PDE7B: variants seen among roughly 807,000 people sequenced by gnomAD.
PDE7B encodes phosphodiesterase 7B, also known as 3',5'-cyclic-AMP phosphodiesterase 7B.
In PDE7B, 29 loss-of-function variants were observed where a neutral mutation model predicts 56.2. The observed-to-expected ratio is 0.52, with a 90% CI of 0.38 to 0.70. PDE7B has a LOEUF of 0.70. Ranked by LOEUF, PDE7B falls within the 30% of genes least tolerant of loss-of-function variation. The pLI is 0.00. For missense variants in PDE7B, 490 were observed against 565.0 expected (o/e 0.87, Z 1.35); for synonymous variants, 197 against 196.9 (o/e 1.00, Z 0.00).
intron 1 of PDE7B, among the ~76,000 whole-genome samples, chr6:135,902,494 T>C (rs943371708): frequency 6.6e-6 from 1 of 150,910 alleles, no homozygotes; most frequent in African/African-American, 2.5e-5. Context: ...TCCATAGTTA[T>C]CTGAAACACA....
intron 1 of PDE7B, among the ~76,000 whole-genome samples, chr6:135,865,645 G>GTGTA (rs1208153270): frequency 2.0e-5 from 3 of 150,346 alleles, no homozygotes; most frequent in Admixed American, 6.6e-5. Flanking sequence ...GTGTGTGTGT[G>GTGTA]TGTGTATGTG....
intron 3 of PDE7B, among the ~76,000 whole-genome samples, chr6:136,144,353 A>G (rs1409302655): frequency 1.3e-5 from 2 of 152,096 alleles, no homozygotes; most frequent in African/African-American, 4.8e-5. Flanking sequence ...TTTTTGCTTA[A>G]CACTTTATTG....
At chr6:136,075,736 A>G (rs7765567) in intron 2 of PDE7B, among the ~76,000 whole-genome samples, 70,684 of 151,940 alleles carry the variant, frequency 0.47, 16,921 homozygotes, top group African/African-American at 0.59. Flanking sequence ...TGATCCCTGA[A>G]AAGGGTACTC....
intron 2 of PDE7B, among the ~76,000 whole-genome samples, chr6:135,975,454 C>T (rs550201873): frequency 1.4e-4 from 22 of 152,180 alleles, no homozygotes; most frequent in Middle Eastern, 3.4e-3. Flanking sequence ...GGAGCAGGTC[C>T]TTCAAAGAAA....
chr6:135,903,600 T>A (rs1259908579), intron 1 of PDE7B, among the ~76,000 whole-genome samples: 1 of 152,194 alleles, frequency 6.6e-6, no homozygotes, highest in Non-Finnish European at 1.5e-5. Flanking sequence ...TTGCCCAAAC[T>A]GTGCTGGAAG....
chr6:135,958,958 G>A (rs1253198261), intron 2 of PDE7B, among the ~76,000 whole-genome samples: 1 of 152,156 alleles, frequency 6.6e-6, no homozygotes. Context: ...AACCAAATGT[G>A]TAGAATTTTT....
chr6:136,058,139 G>A (rs1308421566), intron 2 of PDE7B, among the ~76,000 whole-genome samples: 2 of 152,142 alleles, frequency 1.3e-5, no homozygotes, highest in Non-Finnish European at 2.9e-5. Flanking sequence ...CTTGACAAGT[G>A]GCAGATCTTT....
At chr6:135,858,724 C>T (rs1008635077) in intron 1 of PDE7B, among the ~76,000 whole-genome samples, 18 of 151,536 alleles carry the variant, frequency 1.2e-4, no homozygotes, top group African/African-American at 3.4e-4. Context: ...GCCTGTTACA[C>T]GCCCAATTAT....
At chr6:136,181,584 G>T (rs938525249) in intron 11 of PDE7B, among the ~76,000 whole-genome samples, 1 of 152,204 alleles carries the variant, frequency 6.6e-6, no homozygotes, top group African/African-American at 2.4e-5. Flanking sequence ...GTGGGACATT[G>T]ATTATAAATG....
At chr6:136,183,977 G>GA (rs1350275551) in intron 11 of PDE7B, among the ~76,000 whole-genome samples, 1 of 152,080 alleles carries the variant, frequency 6.6e-6, no homozygotes, top group Non-Finnish European at 1.5e-5. Flanking sequence ...TCCTCTCCCC[G>GA]AAAAAACCTT....
At chr6:136,129,191 C>G (rs138454359) in intron 3 of PDE7B, among the ~76,000 whole-genome samples, 1 of 152,288 alleles carries the variant, frequency 6.6e-6, no homozygotes, top group East Asian at 1.9e-4. Flanking sequence ...TCATTCTAGG[C>G]CAAGTATCCT....
intron 2 of PDE7B, among the ~76,000 whole-genome samples, chr6:135,988,601 G>T (rs1265624781): frequency 6.6e-6 from 1 of 152,064 alleles, no homozygotes; most frequent in Non-Finnish European, 1.5e-5. Context: ...TTGAATGAAG[G>T]GTAAGAAGGG....
intron 3 of PDE7B, among the ~76,000 whole-genome samples, chr6:136,120,446 T>C (rs1039254889): frequency 3.9e-5 from 6 of 151,930 alleles, no homozygotes; most frequent in Non-Finnish European, 5.9e-5. Context: ...GAAAGAACCA[T>C]GGAATAGACC....
chr6:135,993,168 C>A (rs1775504334), intron 2 of PDE7B: 1 of 152,250 alleles, frequency 6.6e-6, no homozygotes, highest in Non-Finnish European at 1.5e-5. Flanking sequence ...ATGGAGACAA[C>A]TCTGATAGGT....
intron 2 of PDE7B, chr6:136,038,208 GCAGAAA>G: frequency 7.7e-7 from 1 of 1,299,682 alleles, no homozygotes; most frequent in Non-Finnish European, 1.0e-6. Context: ...AGCAGCAGAA[GCAGAAA>G]CAGCAGCAGC....
intron 11 of PDE7B, among the ~76,000 whole-genome samples, chr6:136,186,535 G>A (rs1200270916): frequency 1.3e-5 from 2 of 152,106 alleles, no homozygotes; most frequent in Non-Finnish European, 2.9e-5. Context: ...TTAATTTTGT[G>A]GTTACAGAGT....
intron 1 of PDE7B, among the ~76,000 whole-genome samples, chr6:135,888,955 G>C (rs1465513176): frequency 6.6e-6 from 1 of 152,122 alleles, no homozygotes; most frequent in Non-Finnish European, 1.5e-5. Flanking sequence ...TAAGTTACAA[G>C]TGAATTTTAC....
intron 2 of PDE7B, among the ~76,000 whole-genome samples, chr6:136,086,262 G>T (rs1053101791): frequency 4.6e-5 from 7 of 152,034 alleles, no homozygotes; most frequent in African/African-American, 1.7e-4. Context: ...CTTTTCTTTT[G>T]CATCTACTCT....
rs189174904 is a variant in PDE7B, at chr6:136,014,176, A to C, written c.82+66652A>C. 3.3e-5 allele frequency among the ~76,000 whole-genome samples: 5 copies of C among 152,372 alleles called. No individual in the cohort carries two copies. In the East Asian group the frequency reaches 9.6e-4, roughly 29 times the overall value. On this transcript the variant is annotated intron_variant, in intron 2 of 12. Coordinates refer to ENST00000308191, the MANE Select transcript of PDE7B (RefSeq NM_018945.4). ...ATTGAGATTATTTTCATAATTTTGC[A>C]AGAATGACATGTTCATTTTAGGAAA... is the stretch of plus-strand genomic sequence containing the variant.
Sources: gnomAD v4.1 joint callset for allele counts (sites outside exome capture counted in the v4.1 genomes callset) on GRCh38, gnomAD v4.1.1 for gene constraint, MANE v1.5 for transcripts, NCBI Gene and HGNC (gene_info 2026-07-23, HGNC 2026-07-21) for gene names.